Variants in ZNF280B observed in about 807,000 individuals in gnomAD.
ZNF280B encodes the protein suppressor of hairy wing homolog 2.
A neutral mutation model predicts 38.0 loss-of-function variants in ZNF280B; 16 were observed. The observed-to-expected ratio is 0.42, with a 90% CI of 0.28 to 0.64. The LOEUF (loss-of-function observed/expected upper bound fraction) is 0.64. ZNF280B is among the 30% of genes least tolerant of loss of function. The pLI, the probability that ZNF280B is intolerant of heterozygous loss-of-function variation, is 0.21. For missense variants in ZNF280B, 581 were observed against 639.6 expected, an observed-to-expected ratio of 0.91 and a Z score of 0.99; for synonymous variants, 253 against 230.6, an observed-to-expected ratio of 1.10 and a Z score of -0.88.
rs1415389819 is a variant in ZNF280B, at chr22:22,485,765, T to G, written c.*2002A>C. ...AAGAAATCAAGGAAAAAGGGAGAGATTTCTCCAGACCTATGTATGTCTACA... is the reference window on the plus strand; with the variant it reads ...AAGAAATCAAGGAAAAAGGGAGAGAGTTCTCCAGACCTATGTATGTCTACA... On this transcript the variant is annotated 3_prime_UTR_variant, in exon 4 of 4. Coordinates refer to ENST00000626650, the MANE Select transcript of ZNF280B (RefSeq NM_080764.4). The G allele has an allele frequency of 6.7e-6, 1 of 148,600 alleles. No homozygotes were observed. The highest frequency in any genetic ancestry group is 1.5e-5 in the Non-Finnish European group (1 of 67,252). The allele number at this position is 148,600 out of a possible 1,614,324, so 9.2% of individuals were successfully genotyped here. A position where few individuals can be genotyped will look rare whatever the true frequency, so the allele number is the denominator to read the frequency against.
intron 2 of ZNF280B, among the ~76,000 whole-genome samples, chr22:22,503,361 G>T (rs1011304756): frequency 6.6e-6 from 1 of 151,892 alleles, no homozygotes; most frequent in Non-Finnish European, 1.5e-5. Flanking sequence ...ATTTCACACC[G>T]CAAAGGGTGA....
In ZNF280B at chr22:22,485,505, T is replaced by A. The variant is rs1353089359; in HGVS notation, c.*2262A>T. ...CCTAGTATAGTGTTCAAGGTGCAAA[T>A]CAATCAAATGAGTGTCCGGCAAATA... On this transcript the variant is annotated 3_prime_UTR_variant, in exon 4 of 4. Coordinates refer to ENST00000626650, the MANE Select transcript of ZNF280B (RefSeq NM_080764.4). 1 of 151,864 alleles carries A rather than the reference T, an allele frequency of 6.6e-6. No homozygotes were observed. Among genetic ancestry groups the A allele is most frequent in the African/African-American group, 2.4e-5 (1 of 41,348 alleles). 9.4% of individuals were successfully genotyped at this position (151,864 alleles called of 1,614,324 possible). A position where few individuals can be genotyped will look rare whatever the true frequency, so the allele number is the denominator to read the frequency against.
intron 2 of ZNF280B, among the ~76,000 whole-genome samples, chr22:22,501,780 C>G (rs1329094815): frequency 6.6e-6 from 1 of 151,594 alleles, no homozygotes; most frequent in African/African-American, 2.4e-5. Context: ...GAGGCTGAGG[C>G]AGGAGGACTT....
chr22:22,489,108 T>C lies in ZNF280B; in HGVS notation c.291A>G (p.Glu97=), dbSNP rs2061544169. ...GGGAAGCTGGCAGGACGGTCACTGC[T>C]TCTGATGTAACGGTCTCATGACTTT... ...QPKSHETVTS[E]AVTVLPASQL... Residue 97 remains glutamate, a synonymous_variant, in exon 4 of 4, where the codon GAA becomes GAG. Coordinates refer to ENST00000626650, the MANE Select transcript of ZNF280B (RefSeq NM_080764.4). The C allele has an allele frequency of 6.2e-7, 1 of 1,613,926 alleles. No individual in the cohort carries two copies. The highest frequency in any genetic ancestry group is 8.5e-7 in the Non-Finnish European group (1 of 1,179,960).
intron 2 of ZNF280B, among the ~76,000 whole-genome samples, chr22:22,495,180 C>G (rs781605322): frequency 5.3e-5 from 8 of 151,970 alleles, no homozygotes; most frequent in Non-Finnish European, 8.8e-5. Context: ...CACATTTCCT[C>G]TAACAGTACA....
intron 2 of ZNF280B, among the ~76,000 whole-genome samples, chr22:22,498,865 T>C (rs2061757216): frequency 6.9e-6 from 1 of 144,660 alleles, no homozygotes; most frequent in Non-Finnish European, 1.5e-5. Context: ...TGGCGTGATC[T>C]CGGCTCACTA....
Position 22,488,219 on chromosome 22 carries a change from C to T in ZNF280B, c.1180G>A (p.Asp394Asn). ...GGCATTTCGCCAGGCTTATGATGGT[C>T]CTTCATGTGTTGTAAGAGGACCTGA... Reference protein sequence around the residue: ...TDQVLLQHMKDHHKPGEMPYV... With the variant: ...TDQVLLQHMKNHHKPGEMPYV... Residue 394 changes from aspartate to asparagine, a missense_variant, in exon 4 of 4, where the codon GAC becomes AAC. Physicochemically the swap from Asp to Asn is conservative, Grantham distance 23 (BLOSUM62 1). Transcript: ENST00000626650. The T allele has an allele frequency of 6.2e-7, 1 of 1,613,850 alleles. No homozygotes were observed. Among genetic ancestry groups the T allele is most frequent in the Non-Finnish European group, 8.5e-7 (1 of 1,179,980 alleles).
chr22:22,502,753 G>T (rs1045192387), intron 2 of ZNF280B, among the ~76,000 whole-genome samples: 2 of 151,976 alleles, frequency 1.3e-5, no homozygotes, highest in African/African-American at 4.8e-5. Flanking sequence ...AGTAGCAGCT[G>T]CCATGGGCTC....
rs1375504583 is a variant in ZNF280B, at chr22:22,487,586, A to T, written c.*181T>A. ...TTAACATGAAAACCAGATGTTTTAA[A>T]ATAATACCTCAAAATTCAGATCAAA... On this transcript the variant is annotated 3_prime_UTR_variant, in exon 4 of 4. Transcript: ENST00000626650. 1.9e-6 allele frequency: 1 copy of T among 529,564 alleles called. No individual in the cohort carries two copies. The highest frequency in any genetic ancestry group is 2.0e-5 in the African/African-American group (1 of 51,090). 32.8% of individuals were successfully genotyped at this position (529,564 alleles called of 1,614,324 possible).
rs1300502743 is a variant in ZNF280B, at chr22:22,487,583, T to G, written c.*184A>C. On this transcript the variant is annotated 3_prime_UTR_variant, in exon 4 of 4. Transcript: ENST00000626650. ...CAGTTAACATGAAAACCAGATGTTT[T>G]AAAATAATACCTCAAAATTCAGATC... 6 of 526,214 alleles carry G rather than the reference T, an allele frequency of 1.1e-5. No individual in the cohort carries two copies. Among genetic ancestry groups the G allele is most frequent in the Non-Finnish European group, 1.9e-5 (6 of 312,646 alleles). 32.6% of individuals were successfully genotyped at this position (526,214 alleles called of 1,614,324 possible).
chr22:22,487,526 A>T lies in ZNF280B; in HGVS notation c.*241T>A. On this transcript the variant is annotated 3_prime_UTR_variant, in exon 4 of 4. Coordinates refer to ENST00000626650, the MANE Select transcript of ZNF280B (RefSeq NM_080764.4). The stretch of plus-strand genomic sequence containing the variant: ...ACCTTTTTCTCTCTCTCACACACAC[A>T]CACAAACACCTTTTATGTGTTAAGC... The T allele has an allele frequency of 2.6e-6, 1 of 377,428 alleles. No individual in the cohort carries two copies. The highest frequency in any genetic ancestry group is 4.4e-5 in the Admixed American group (1 of 22,836). The allele number at this position is 377,428 out of a possible 1,614,324, so 23.4% of individuals were successfully genotyped here. A position where few individuals can be genotyped will look rare whatever the true frequency, so the allele number is the denominator to read the frequency against.
intron 2 of ZNF280B, among the ~76,000 whole-genome samples, chr22:22,500,615 G>C (rs1272842444): frequency 5.9e-5 from 9 of 152,012 alleles, no homozygotes; most frequent in African/African-American, 1.7e-4. Flanking sequence ...CAGGACTTTG[G>C]GAGGCTGAGG....
chr22:22,491,267 A>T (rs1295971895), intron 3 of ZNF280B, among the ~76,000 whole-genome samples: 1 of 151,682 alleles, frequency 6.6e-6, no homozygotes, highest in Non-Finnish European at 1.5e-5. Context: ...AACTTTATCC[A>T]TTGGAAATTC....
In ZNF280B at chr22:22,487,167, G is replaced by A. The variant is rs1032539949; in HGVS notation, c.*600C>T. ...ATACCAAAACAATAAATAGGTGCCA[G>A]GGGCAGTGACTCACACAACCCAGCA... On this transcript the variant is annotated 3_prime_UTR_variant, in exon 4 of 4. Transcript: ENST00000626650. 1.3e-5 allele frequency: 2 copies of A among 152,010 alleles called. No homozygotes were observed. Among genetic ancestry groups the A allele is most frequent in the Admixed American group, 6.6e-5 (1 of 15,244 alleles). 9.4% of individuals were successfully genotyped at this position (152,010 alleles called of 1,614,324 possible).
At chr22:22,496,696 A>T (rs996540345) in intron 2 of ZNF280B, among the ~76,000 whole-genome samples, 2 of 151,668 alleles carry the variant, frequency 1.3e-5, no homozygotes, top group Non-Finnish European at 2.9e-5. Context: ...GCAAGGGAAG[A>T]TGGTGGGGAT....
At chr22:22,492,401 G>C (rs1199751225) in intron 3 of ZNF280B, among the ~76,000 whole-genome samples, 1 of 151,830 alleles carries the variant, frequency 6.6e-6, no homozygotes, top group Non-Finnish European at 1.5e-5. Context: ...AGGATGTTTA[G>C]CAGCATCTGT....
intron 2 of ZNF280B, among the ~76,000 whole-genome samples, chr22:22,503,425 C>T (rs2061866462): frequency 6.6e-6 from 1 of 152,046 alleles, no homozygotes; most frequent in South Asian, 2.1e-4. Context: ...TAGTAACAGG[C>T]TGGTATAACC....
At chr22:22,498,031 G>T (rs1365384910) in intron 2 of ZNF280B, among the ~76,000 whole-genome samples, 2 of 151,802 alleles carry the variant, frequency 1.3e-5, no homozygotes, top group South Asian at 2.1e-4. Flanking sequence ...AGCCATAAAA[G>T]AAACGACATA....
At chr22:22,507,966 A>G (rs1267649390) in intron 1 of ZNF280B, 96 bp from the exon 2 acceptor site, 1 of 151,922 alleles carries the variant, frequency 6.6e-6, no homozygotes, top group Non-Finnish European at 1.5e-5. Context: ...TTTATCAATC[A>G]TCTCACACTT....
Sources: gnomAD v4.1 joint callset for allele counts (sites outside exome capture counted in the v4.1 genomes callset) on GRCh38, gnomAD v4.1.1 for gene constraint, MANE v1.5 for transcripts, NCBI Gene and HGNC (gene_info 2026-07-23, HGNC 2026-07-21) for gene names.